Variants in FBXL20 observed in about 807,000 individuals in gnomAD.
FBXL20 encodes F-box/LRR-repeat protein 20.
FBXL20 carries 11 observed loss-of-function variants against 64.0 expected under a neutral mutation model. The ratio of observed to expected loss-of-function variants is 0.17; its 90% CI spans 0.11 to 0.28. The LOEUF is 0.28. FBXL20 is among the 10% of genes least tolerant of loss of function. FBXL20 has a pLI of 1.00. For missense variants in FBXL20, 303 were observed against 526.2 expected (o/e 0.58, Z 4.15); for synonymous variants, 184 against 189.0 (o/e 0.97, Z 0.22).
At chr17:39,309,321 T>A (rs886229067) in intron 2 of FBXL20, among the ~76,000 whole-genome samples, 4 of 152,182 alleles carry the variant, frequency 2.6e-5, no homozygotes, top group Non-Finnish European at 5.9e-5. Flanking sequence ...AGTCCTGAAT[T>A]ATCTCTAACA....
At chr17:39,329,870 T>C (rs1357916808) in intron 2 of FBXL20, among the ~76,000 whole-genome samples, 2 of 152,144 alleles carry the variant, frequency 1.3e-5, no homozygotes, top group South Asian at 2.1e-4. Context: ...TGATGGCACA[T>C]GCCTGTAGCC....
intron 9 of FBXL20, among the ~76,000 whole-genome samples, chr17:39,275,369 G>A (rs547982668): frequency 3.8e-4 from 57 of 151,806 alleles, no homozygotes; most frequent in Admixed American, 1.3e-3. Context: ...GATCAGTATG[G>A]GGTACATCAT....
chr17:39,306,131 C>T (rs533566796), intron 2 of FBXL20, among the ~76,000 whole-genome samples: 39 of 151,140 alleles, frequency 2.6e-4, no homozygotes, highest in Non-Finnish European at 5.2e-4. Flanking sequence ...CACTGTACTC[C>T]AGCCTGGGTG....
At chr17:39,360,050 TAA>T (rs893213320) in intron 1 of FBXL20, among the ~76,000 whole-genome samples, 5 of 152,074 alleles carry the variant, frequency 3.3e-5, no homozygotes, top group African/African-American at 1.2e-4. Flanking sequence ...AAAATTTACA[TAA>T]AAACATATAT....
At chr17:39,333,223 C>A (rs946395221) in intron 2 of FBXL20, among the ~76,000 whole-genome samples, 4 of 152,212 alleles carry the variant, frequency 2.6e-5, no homozygotes, top group African/African-American at 9.6e-5. Context: ...CTGCCGCCAT[C>A]TCGACTCACT....
chr17:39,367,746 A>G (rs983850397), intron 1 of FBXL20, among the ~76,000 whole-genome samples: 20 of 151,792 alleles, frequency 1.3e-4, no homozygotes, highest in Non-Finnish European at 1.9e-4. Flanking sequence ...GTTTCTATTT[A>G]TTGAAAGATT....
chr17:39,318,920 TAACA>T (rs1445339919), intron 2 of FBXL20, among the ~76,000 whole-genome samples: 2 of 151,974 alleles, frequency 1.3e-5, no homozygotes, highest in Non-Finnish European at 2.9e-5. Flanking sequence ...ATTTCCAACT[TAACA>T]ATCAGCAAAA....
At chr17:39,349,470 C>A (rs1343757534) in intron 1 of FBXL20, among the ~76,000 whole-genome samples, 4 of 151,544 alleles carry the variant, frequency 2.6e-5, no homozygotes, top group African/African-American at 9.7e-5. Flanking sequence ...TGCCTATAAT[C>A]CCGGCACCTT....
intron 11 of FBXL20, 27 bp downstream of exon 11, chr17:39,270,769 C>A (rs1362037444): frequency 3.2e-6 from 5 of 1,581,578 alleles, no homozygotes; most frequent in Admixed American, 3.7e-5. Context: ...TGGAAACAAA[C>A]CTATGGAACC....
intron 2 of FBXL20, among the ~76,000 whole-genome samples, chr17:39,324,660 T>C (rs1444196986): frequency 6.6e-6 from 1 of 152,174 alleles, no homozygotes; most frequent in Non-Finnish European, 1.5e-5. Flanking sequence ...AATTTAGAGT[T>C]TGGCAATTCA....
chr17:39,360,449 T>A (rs1040326155), intron 1 of FBXL20, among the ~76,000 whole-genome samples: 3 of 152,228 alleles, frequency 2.0e-5, no homozygotes, highest in Non-Finnish European at 4.4e-5. Flanking sequence ...TTGTCAATTT[T>A]AAATTTTCAA....
chr17:39,261,276 T>C lies in FBXL20; in HGVS notation c.*184A>G. The C allele has an allele frequency of 3.7e-6, 2 of 547,562 alleles. No homozygotes were observed. The highest frequency in any genetic ancestry group is 6.6e-6 in the Non-Finnish European group (2 of 303,238). 33.9% of individuals were successfully genotyped at this position (547,562 alleles called of 1,614,324 possible). On this transcript the variant is annotated 3_prime_UTR_variant, in exon 15 of 15. Transcript: ENST00000264658. Reference sequence around the variant, plus strand: ...AACTTCAGTCCCATGGTCACAAAGCTAGAGTGGATGGGGGTAAGGGTGTGT... The same window carrying C: ...AACTTCAGTCCCATGGTCACAAAGCCAGAGTGGATGGGGGTAAGGGTGTGT...
rs2048244162 is a variant in FBXL20, at chr17:39,401,488, G to A, written c.-86C>T. 3.8e-5 allele frequency: 57 copies of A among 1,515,610 alleles called. No individual in the cohort carries two copies. The South Asian group carries it at 5.8e-4, about 16-fold the overall frequency. The allele number at this position is 1,515,610 out of a possible 1,614,324, so 93.9% of individuals were successfully genotyped here. On this transcript the variant is annotated 5_prime_UTR_variant, in exon 1 of 15. Transcript: ENST00000264658. ...CCCAGGACAGGCCCGGGAGTTCCGG[G>A]ACGGGGACTGGGCGCCGGAGGGGTG...
chr17:39,385,308 C>A (rs765222153), intron 1 of FBXL20, among the ~76,000 whole-genome samples: 1 of 142,404 alleles, frequency 7.0e-6, no homozygotes, highest in Non-Finnish European at 1.5e-5. Flanking sequence ...CACTGTGAGA[C>A]CCTGTCTCTA....
rs952405813 is a variant in FBXL20 at position 39,258,747 on chromosome 17, A to G, written c.*2713T>C. 2 of 152,254 alleles carry G rather than the reference A, an allele frequency of 1.3e-5. No individual in the cohort carries two copies. The highest frequency in any genetic ancestry group is 4.8e-5 in the African/African-American group (2 of 41,464). The allele number at this position is 152,254 out of a possible 1,614,324, so 9.4% of individuals were successfully genotyped here. ...TTATGGTCAATTTGTACAGGCACTAAAACAACAACAAAACACCTTAAACTT... is the reference window on the plus strand; with the variant it reads ...TTATGGTCAATTTGTACAGGCACTAGAACAACAACAAAACACCTTAAACTT... On this transcript the variant is annotated 3_prime_UTR_variant, in exon 15 of 15. Coordinates refer to ENST00000264658, the MANE Select transcript of FBXL20 (RefSeq NM_032875.3).
intron 1 of FBXL20, among the ~76,000 whole-genome samples, chr17:39,348,086 C>CA (rs542753474): frequency 7.0e-6 from 1 of 143,684 alleles, no homozygotes; most frequent in Non-Finnish European, 1.5e-5. Context: ...TTGGGTTCGT[C>CA]TTTTTTTTTT....
chr17:39,389,314 T>C (rs905629697), intron 1 of FBXL20, among the ~76,000 whole-genome samples: 14 of 152,136 alleles, frequency 9.2e-5, no homozygotes, highest in Non-Finnish European at 1.9e-4. Context: ...TCAGGTTGCT[T>C]TTCTACAAGT....
Position 39,261,424 on chromosome 17 carries a change from A to C in FBXL20, c.*36T>G. 1 of 1,517,794 alleles carries C rather than the reference A, an allele frequency of 6.6e-7. No individual in the cohort carries two copies. Among genetic ancestry groups the C allele is most frequent in the South Asian group, 1.1e-5 (1 of 89,036 alleles). 94.0% of individuals were successfully genotyped at this position (1,517,794 alleles called of 1,614,324 possible). ...CCACGGTAGCTCTAGAAGTGTCATT[A>C]AATACTCAGTTCGCCAAGGTTGACC... On this transcript the variant is annotated 3_prime_UTR_variant, in exon 15 of 15. Coordinates refer to ENST00000264658, the MANE Select transcript of FBXL20 (RefSeq NM_032875.3).
intron 14 of FBXL20, among the ~76,000 whole-genome samples, chr17:39,261,944 T>C (rs571673469): frequency 1.3e-5 from 2 of 152,058 alleles, no homozygotes; most frequent in African/African-American, 4.8e-5. Flanking sequence ...AATTTTTGTA[T>C]TGTTAGTAGA....
Sources: gnomAD v4.1 joint callset for allele counts (sites outside exome capture counted in the v4.1 genomes callset) on GRCh38, gnomAD v4.1.1 for gene constraint, MANE v1.5 for transcripts, NCBI Gene and HGNC (gene_info 2026-07-23, HGNC 2026-07-21) for gene names.